The following KLF8 variants were observed in gnomAD, a reference collection of about 807,000 sequenced individuals.
The protein encoded by KLF8 is Krueppel-like factor 8.
In KLF8, 10 loss-of-function variants were observed where a neutral mutation model predicts 18.2. The ratio of observed to expected loss-of-function variants is 0.55; its 90% CI spans 0.34 to 0.93. The LOEUF (loss-of-function observed/expected upper bound fraction) is 0.93, where lower values mean the gene tolerates loss of function less well. Among genes scored for constraint, KLF8 ranks in the 40% least tolerant of loss-of-function variants. The probability of loss-of-function intolerance (pLI) is 0.02; values close to 1 mark genes in which losing one functional copy is unlikely to be tolerated. For missense variants in KLF8, 264 were observed against 277.9 expected (o/e 0.95, Z 0.36); for synonymous variants, 109 against 97.3 (o/e 1.12, Z -0.71).
the KLF8 span, among the ~76,000 whole-genome samples, chrX:55,939,591 G>T: frequency 1.2e-4 from 13 of 111,382 alleles, no homozygotes; most frequent in Admixed American, 1.9e-4. Context: ...CCAGGAGGTG[G>T]TTTTTTGGAA....
chrX:55,948,436 C>A, the KLF8 span, among the ~76,000 whole-genome samples: 1 of 111,866 alleles, frequency 8.9e-6, no homozygotes, highest in Admixed American at 9.5e-5. Flanking sequence ...TGTAGAAGAT[C>A]ATTTTACCTG....
At chrX:56,268,162 A>G (rs1420292642) in intron 3 of KLF8, 1 of 111,101 alleles carries the variant, frequency 9.0e-6, no homozygotes, top group Non-Finnish European at 1.9e-5. Context: ...ATAATATTAT[A>G]TTGTATATAT....
chrX:56,036,969 G>T, the KLF8 span, among the ~76,000 whole-genome samples: 1 of 110,933 alleles, frequency 9.0e-6, no homozygotes, highest in Non-Finnish European at 1.9e-5. Flanking sequence ...CTAGTTTGTT[G>T]TTCCTGTATA....
At chrX:55,958,696 G>T in the KLF8 span, among the ~76,000 whole-genome samples, 1 of 112,522 alleles carries the variant, frequency 8.9e-6, no homozygotes, top group Non-Finnish European at 1.9e-5. Flanking sequence ...AGAACATCTT[G>T]CAACAGCAAA....
chrX:56,188,027 A>C, the KLF8 span, among the ~76,000 whole-genome samples: 1 of 111,283 alleles, frequency 9.0e-6, no homozygotes, highest in Non-Finnish European at 1.9e-5. Context: ...TGGCCAGGGC[A>C]ATTAGGCAGG....
At chrX:56,176,195 C>T in the KLF8 span, among the ~76,000 whole-genome samples, 1 of 111,955 alleles carries the variant, frequency 8.9e-6, no homozygotes, top group Non-Finnish European at 1.9e-5. Context: ...TTCTTCCTAG[C>T]CTCCATGGTC....
chrX:56,177,930 G>A, the KLF8 span, among the ~76,000 whole-genome samples: 1 of 111,938 alleles, frequency 8.9e-6, no homozygotes, highest in Non-Finnish European at 1.9e-5. Context: ...CTGGTGTGCT[G>A]TTTACTAAGA....
At chrX:56,022,064 T>C in the KLF8 span, among the ~76,000 whole-genome samples, 2 of 110,715 alleles carry the variant, frequency 1.8e-5, no homozygotes, top group Non-Finnish European at 3.8e-5. Context: ...AAGCCTCACA[T>C]AAAATATCTG....
chrX:56,038,649 G>C, the KLF8 span, among the ~76,000 whole-genome samples: 1 of 112,084 alleles, frequency 8.9e-6, no homozygotes, highest in Admixed American at 9.5e-5. Context: ...TTATGTCTTT[G>C]CTATTATTAA....
the KLF8 span, among the ~76,000 whole-genome samples, chrX:55,992,895 A>T: frequency 9.0e-6 from 1 of 110,912 alleles, no homozygotes; most frequent in Non-Finnish European, 1.9e-5. Context: ...TTTGGTTCTT[A>T]GCTTGGTCAT....
At chrX:55,909,727 A>T in the KLF8 span, among the ~76,000 whole-genome samples, 4 of 112,676 alleles carry the variant, frequency 3.6e-5, no homozygotes, top group African/African-American at 1.3e-4. Context: ...GCTAGAAGAA[A>T]TAGGAACTCA....
chrX:55,914,016 G>A, the KLF8 span, among the ~76,000 whole-genome samples: 1 of 111,667 alleles, frequency 9.0e-6, no homozygotes, highest in South Asian at 3.7e-4. Context: ...CCTATATTTT[G>A]TTCCTTAGAA....
the KLF8 span, among the ~76,000 whole-genome samples, chrX:56,027,404 T>G: frequency 3.6e-4 from 40 of 112,029 alleles, 1 homozygote; most frequent in Middle Eastern, 4.6e-3. Context: ...ATTGTAGAAT[T>G]TCTTGTTGAT....
the KLF8 span, among the ~76,000 whole-genome samples, chrX:56,151,053 G>A: frequency 9.0e-6 from 1 of 111,169 alleles, no homozygotes; most frequent in African/African-American, 3.3e-5. Context: ...AAGACTATAT[G>A]GAGCAGGAGG....
the KLF8 span, among the ~76,000 whole-genome samples, chrX:56,072,303 T>C: frequency 8.9e-6 from 1 of 112,013 alleles, no homozygotes; most frequent in East Asian, 2.8e-4. Context: ...ATTACATTTT[T>C]AGTTTAGCAG....
chrX:56,215,227 G>C, the KLF8 span, among the ~76,000 whole-genome samples: 1 of 111,877 alleles, frequency 8.9e-6, no homozygotes, highest in African/African-American at 3.2e-5. Flanking sequence ...TACCACTGTT[G>C]CATTGGTGAT....
At chrX:56,058,300 A>ATACATATATATATATATG in the KLF8 span, among the ~76,000 whole-genome samples, 1 of 74,160 alleles carries the variant, frequency 1.3e-5, no homozygotes, top group African/African-American at 5.0e-5. Flanking sequence ...ATATATATAT[A>ATACATATATATATATATG]TATATATATA....
chrX:55,936,177 A>T, the KLF8 span, among the ~76,000 whole-genome samples: 2 of 112,355 alleles, frequency 1.8e-5, no homozygotes, highest in African/African-American at 6.5e-5. Flanking sequence ...TTACTTAAAT[A>T]AATCATCTTT....
chrX:56,049,724 TTC>T, the KLF8 span, among the ~76,000 whole-genome samples: 1 of 109,350 alleles, frequency 9.1e-6, no homozygotes, highest in Non-Finnish European at 1.9e-5. Context: ...TGGTCTAAAA[TTC>T]TCTTTTTTTG....
Sources: allele counts gnomAD v4.1 joint callset (sites outside exome capture counted in the v4.1 genomes callset), GRCh38; gene constraint gnomAD v4.1.1; transcripts MANE v1.5; gene names NCBI Gene and HGNC (gene_info 2026-07-23, HGNC 2026-07-21).